The following GABRB3 variants were observed in gnomAD, a reference collection of about 807,000 sequenced individuals.
GABRB3 encodes the protein gamma-aminobutyric acid receptor subunit beta-3.
GABRB3 carries 14 observed loss-of-function variants against 52.1 expected under a neutral mutation model. That is an observed-to-expected ratio of 0.27 (90% CI 0.18 to 0.42). The LOEUF (loss-of-function observed/expected upper bound fraction) is 0.42, where lower values mean the gene tolerates loss of function less well. Ranked by LOEUF, GABRB3 falls within the 10% of genes least tolerant of loss-of-function variation. GABRB3 has a pLI of 1.00. For missense variants in GABRB3, 307 were observed against 609.1 expected (o/e 0.50, Z 5.22); for synonymous variants, 260 against 232.3 (o/e 1.12, Z -1.08).
chr15:26,666,432 G>A (rs1029757650), intron 3 of GABRB3: 1 of 152,164 alleles, frequency 6.6e-6, no homozygotes, highest in Non-Finnish European at 1.5e-5. Context: ...GTCACTCAGC[G>A]TGGTGAAGTA....
intron 3 of GABRB3, among the ~76,000 whole-genome samples, chr15:26,742,947 T>TTTTTTTTTTTTTTTTTTTTTTTTG (rs771203717): frequency 1.9e-5 from 2 of 104,168 alleles, no homozygotes; most frequent in Non-Finnish European, 3.9e-5. Flanking sequence ...TTTTTTTTTT[T>TTTTTTTTTTTTTTTTTTTTTTTTG]GAGACAGAGT....
chr15:26,645,724 A>G (rs1021832589), intron 3 of GABRB3, among the ~76,000 whole-genome samples: 4 of 152,126 alleles, frequency 2.6e-5, no homozygotes, highest in African/African-American at 9.7e-5. Flanking sequence ...GAAGAAATGC[A>G]GGCAGACCTG....
chr15:26,667,137 T>A (rs1887740853), intron 3 of GABRB3, among the ~76,000 whole-genome samples: 1 of 152,214 alleles, frequency 6.6e-6, no homozygotes, highest in African/African-American at 2.4e-5. Flanking sequence ...GCATCCTGTA[T>A]TACTGTCTCT....
At chr15:26,693,901 C>T (rs2140668487) in intron 3 of GABRB3, among the ~76,000 whole-genome samples, 1 of 152,226 alleles carries the variant, frequency 6.6e-6, no homozygotes, top group South Asian at 2.1e-4. Flanking sequence ...ATCAAGTTCT[C>T]AGATGAAGAC....
chr15:26,599,962 A>G (rs938093827), intron 4 of GABRB3, among the ~76,000 whole-genome samples: 1 of 152,176 alleles, frequency 6.6e-6, no homozygotes, highest in African/African-American at 2.4e-5. Context: ...TCAGTGAACT[A>G]AAACAATATA....
At chr15:26,705,866 T>C (rs1196427153) in intron 3 of GABRB3, among the ~76,000 whole-genome samples, 2 of 152,000 alleles carry the variant, frequency 1.3e-5, no homozygotes, top group African/African-American at 4.8e-5. Context: ...GACATAAAGA[T>C]GGGAACAATA....
At chr15:26,729,873 TAGTCTGTCTCTCTCTACAGAAC>T (rs1889863788) in intron 3 of GABRB3, among the ~76,000 whole-genome samples, 1 of 152,222 alleles carries the variant, frequency 6.6e-6, no homozygotes, top group South Asian at 2.1e-4. Context: ...TGTTTGTTTG[TAGTCTGTCTCTCTCTACAGAAC>T]ATCTGCCCCA....
intron 3 of GABRB3, among the ~76,000 whole-genome samples, chr15:26,661,697 A>G (rs1460040074): frequency 6.6e-6 from 1 of 152,136 alleles, no homozygotes; most frequent in Non-Finnish European, 1.5e-5. Context: ...TGGGGATCGG[A>G]AGGGGTCTTG....
At chr15:26,682,900 C>G (rs1376398085) in intron 3 of GABRB3, among the ~76,000 whole-genome samples, 1 of 152,222 alleles carries the variant, frequency 6.6e-6, no homozygotes, top group Admixed American at 6.5e-5. Context: ...GCCACTCAGC[C>G]TGGAGCCCAA....
At chr15:26,588,871 C>T (rs534644675) in intron 4 of GABRB3, among the ~76,000 whole-genome samples, 3 of 152,266 alleles carry the variant, frequency 2.0e-5, no homozygotes, top group Admixed American at 6.5e-5. Flanking sequence ...TAGATCATTC[C>T]TGCTTTTACA....
intron 3 of GABRB3, among the ~76,000 whole-genome samples, chr15:26,731,017 C>T (rs1409652492): frequency 6.6e-6 from 1 of 152,086 alleles, no homozygotes; most frequent in African/African-American, 2.4e-5. Context: ...GCTGCGAAGT[C>T]TTATTTTCAG....
At chr15:26,760,488 A>C (rs986691526) in intron 3 of GABRB3, among the ~76,000 whole-genome samples, 1 of 152,166 alleles carries the variant, frequency 6.6e-6, no homozygotes, top group Non-Finnish European at 1.5e-5. Context: ...TAAAGGCAAA[A>C]TACCCTGAAG....
chr15:26,567,157 T>C (rs1053252348), intron 7 of GABRB3, among the ~76,000 whole-genome samples: 3 of 152,238 alleles, frequency 2.0e-5, no homozygotes, highest in Non-Finnish European at 4.4e-5. Flanking sequence ...GAATTCCATA[T>C]TTTAATGCTC....
Position 26,547,416 on chromosome 15 carries a change from T to G in GABRB3, c.*377A>C. The stretch of plus-strand genomic sequence containing the variant: ...ACACATTTGGGGATGATATTGTGTT[T>G]CACGCCCTCATTCTCAAGGCATAAT... On this transcript the variant is annotated 3_prime_UTR_variant, in exon 9 of 9. Transcript: ENST00000311550. 5 of 443,410 alleles carry G rather than the reference T, an allele frequency of 1.1e-5. No homozygotes were observed. The highest frequency in any genetic ancestry group is 2.0e-5 in the Non-Finnish European group (5 of 252,182). The allele number at this position is 443,410 out of a possible 1,614,324, so 27.5% of individuals were successfully genotyped here. A position where few individuals can be genotyped will look rare whatever the true frequency, so the allele number is the denominator to read the frequency against.
rs1195490668 is a variant in GABRB3 at position 26,546,280 on chromosome 15, A to G, written c.*1513T>C. On this transcript the variant is annotated 3_prime_UTR_variant, in exon 9 of 9. Transcript: ENST00000311550. ...GTTTATGGATGCCTGTGATAGAAAT[A>G]TTGTTTACAAAAAATATATCATCTC... is the stretch of plus-strand genomic sequence containing the variant. 2 of 152,538 alleles carry G rather than the reference A, an allele frequency of 1.3e-5. No individual in the cohort carries two copies. The highest frequency in any genetic ancestry group is 1.9e-4 in the East Asian group (1 of 5,202). 9.4% of individuals were successfully genotyped at this position (152,538 alleles called of 1,614,324 possible). A position where few individuals can be genotyped will look rare whatever the true frequency, so the allele number is the denominator to read the frequency against.
At chr15:26,670,444 G>A (rs1038258939) in intron 3 of GABRB3, among the ~76,000 whole-genome samples, 2 of 152,198 alleles carry the variant, frequency 1.3e-5, no homozygotes, top group African/African-American at 4.8e-5. Context: ...GCGGGAGGCT[G>A]GGCGCAGAGG....
Position 26,757,228 on chromosome 15 carries a change from G to A in GABRB3, c.240+15174C>T, listed in dbSNP as rs534625620. ...TGGGTCTTTCCATGCCTTCTAGTCT[G>A]CTGTGGACTAAGTGTCAGCTCCCCA... On this transcript the variant is annotated intron_variant, in intron 3 of 8. Coordinates refer to ENST00000311550, the MANE Select transcript of GABRB3 (RefSeq NM_000814.6). Among the ~76,000 whole-genome samples, 5 of 152,136 alleles carry A rather than the reference G, an allele frequency of 3.3e-5. No individual in the cohort carries two copies. The South Asian group carries it at 1.0e-3, about 32-fold the overall frequency.
chr15:26,764,782 C>G (rs1890950682), intron 3 of GABRB3, among the ~76,000 whole-genome samples: 1 of 152,152 alleles, frequency 6.6e-6, no homozygotes, highest in Admixed American at 6.5e-5. Flanking sequence ...TGCTCCACGG[C>G]ACTGCTGAGT....
chr15:26,688,375 G>A (rs1888473520), intron 3 of GABRB3, among the ~76,000 whole-genome samples: 1 of 152,176 alleles, frequency 6.6e-6, no homozygotes, highest in South Asian at 2.1e-4. Flanking sequence ...CTAAACTTCA[G>A]CAGGGGCGAT....
Sources: gnomAD v4.1 joint callset for allele counts (sites outside exome capture counted in the v4.1 genomes callset) on GRCh38, gnomAD v4.1.1 for gene constraint, MANE v1.5 for transcripts, NCBI Gene and HGNC (gene_info 2026-07-23, HGNC 2026-07-21) for gene names.